The following GLI2 variants were observed in gnomAD, a reference collection of about 807,000 sequenced individuals.
GLI2 encodes GLI family zinc finger 2.
In GLI2, 22 loss-of-function variants were observed where a neutral mutation model predicts 78.9. The observed-to-expected ratio is 0.28, with a 90% confidence interval of 0.20 to 0.40. GLI2 has a LOEUF of 0.40. Among genes scored for constraint, GLI2 ranks in the 10% least tolerant of loss-of-function variants. The pLI is 1.00. For missense variants in GLI2, 2,097 were observed against 2,213.2 expected (o/e 0.95, Z 1.05); for synonymous variants, 974 against 963.7 (o/e 1.01, Z -0.20).
At chr2:120,820,131 G>A (rs547029495) in intron 2 of GLI2, among the ~76,000 whole-genome samples, 18 of 152,268 alleles carry the variant, frequency 1.2e-4, no homozygotes, top group African/African-American at 4.1e-4. Flanking sequence ...GGCAAGTGAA[G>A]GAAAGGTCCA....
At chr2:120,982,039 G>C (rs1682738595) in intron 10 of GLI2, among the ~76,000 whole-genome samples, 1 of 152,202 alleles carries the variant, frequency 6.6e-6, no homozygotes, top group Non-Finnish European at 1.5e-5. Flanking sequence ...TGTTGTGATT[G>C]AGAATATCAG....
chr2:120,947,345 G>A (rs1265503782), intron 3 of GLI2, among the ~76,000 whole-genome samples: 1 of 152,228 alleles, frequency 6.6e-6, no homozygotes, highest in South Asian at 2.1e-4. Flanking sequence ...TGGGCATAAA[G>A]TGCCTGTGTT....
chr2:120,929,789 G>A (rs1341573243), intron 3 of GLI2, among the ~76,000 whole-genome samples: 1 of 152,186 alleles, frequency 6.6e-6, no homozygotes, highest in Non-Finnish European at 1.5e-5. Context: ...GGTGGGTGTT[G>A]GAGTCATTTC....
At chr2:120,941,793 G>A (rs1680459553) in intron 3 of GLI2, among the ~76,000 whole-genome samples, 2 of 152,242 alleles carry the variant, frequency 1.3e-5, no homozygotes, top group South Asian at 4.1e-4. Context: ...CCCAAAGGCA[G>A]GGCTGGTGTA....
At chr2:120,959,405 C>CGAA (rs771290330) in intron 5 of GLI2, among the ~76,000 whole-genome samples, 1 of 152,202 alleles carries the variant, frequency 6.6e-6, no homozygotes, top group African/African-American at 2.4e-5. Flanking sequence ...CAGATGCCTT[C>CGAA]TTTCCCTTTG....
At chr2:120,758,905 A>G (rs1019650917) in intron 1 of GLI2, among the ~76,000 whole-genome samples, 1 of 152,108 alleles carries the variant, frequency 6.6e-6, no homozygotes, top group African/African-American at 2.4e-5. Flanking sequence ...ATACAGCCTG[A>G]TCAAGGCTGA....
At chr2:120,973,025 G>C (rs2105029363) in intron 8 of GLI2, among the ~76,000 whole-genome samples, 1 of 152,256 alleles carries the variant, frequency 6.6e-6, no homozygotes, top group Admixed American at 6.5e-5. Context: ...GCCGCATCTT[G>C]GACACCAAGG....
chr2:120,960,225 A>C (rs1325262650), intron 5 of GLI2, among the ~76,000 whole-genome samples: 2 of 152,154 alleles, frequency 1.3e-5, no homozygotes, highest in Non-Finnish European at 2.9e-5. Context: ...CGGGACCAAG[A>C]ATGCCTGTCC....
intron 1 of GLI2, among the ~76,000 whole-genome samples, chr2:120,767,649 G>A (rs916814363): frequency 1.3e-5 from 2 of 152,202 alleles, no homozygotes; most frequent in Non-Finnish European, 2.9e-5. Context: ...TGTGCCCCCC[G>A]CTCTGAGAGG....
At chr2:120,762,875 T>TGAG (rs1249021664) in intron 1 of GLI2, among the ~76,000 whole-genome samples, 1 of 152,208 alleles carries the variant, frequency 6.6e-6, no homozygotes, top group Non-Finnish European at 1.5e-5. Context: ...AGTGGAGTCC[T>TGAG]GAGCTGAGTG....
intron 2 of GLI2, among the ~76,000 whole-genome samples, chr2:120,804,256 A>G (rs1276243269): frequency 6.6e-6 from 1 of 152,038 alleles, no homozygotes; most frequent in East Asian, 1.9e-4. Flanking sequence ...ATTGGTACGT[A>G]CCTCCAAGTC....
rs1461679410 is a variant in GLI2 at position 120,888,757 on chromosome 2, A to G, written c.149-38604A>G. Among the ~76,000 whole-genome samples the G allele has an allele frequency of 2.6e-5, 4 of 152,180 alleles. 1 individual carries two copies. The South Asian group carries it at 8.3e-4, about 32-fold the overall frequency. On this transcript the variant is annotated intron_variant, in intron 2 of 13. Coordinates refer to ENST00000361492, the MANE Select transcript of GLI2 (RefSeq NM_001374353.1). ...CCAGGTTTCCTCTGTTGGGCCTTCT[A>G]TTCAGGGTCGCTGCTTGCATGTTCC...
Position 120,955,294 on chromosome 2 carries a change from A to T in GLI2, c.507A>T (p.Pro169=), listed in dbSNP as rs1362060382. 3.1e-6 allele frequency: 5 copies of T among 1,611,632 alleles called. No homozygotes were observed. The South Asian group carries it at 5.5e-5, about 18-fold the overall frequency. The change falls in exon 5 of 14, where the codon CCA becomes CCT. Residue 169 remains proline (P), a synonymous_variant. Coordinates refer to ENST00000361492, the MANE Select transcript of GLI2 (RefSeq NM_001374353.1). ...GGGGACTGTTTGGCCTTCCTGCTCCAGGCACCACCCCCTCAGACTATTACC... is the reference window on the plus strand; with the variant it reads ...GGGGACTGTTTGGCCTTCCTGCTCCTGGCACCACCCCCTCAGACTATTACC... ...KERGLFGLPA[P]GTTPSDYYHQ...
intron 2 of GLI2, among the ~76,000 whole-genome samples, chr2:120,910,657 C>T (rs960997034): frequency 3.9e-5 from 6 of 152,188 alleles, no homozygotes; most frequent in Admixed American, 1.3e-4. Context: ...CGCCAAGCCA[C>T]GGGCAGAAGA....
At chr2:120,855,950 C>A (rs575916375) in intron 2 of GLI2, among the ~76,000 whole-genome samples, 1 of 152,306 alleles carries the variant, frequency 6.6e-6, no homozygotes, top group African/African-American at 2.4e-5. Context: ...ATTTAAAACA[C>A]CAGCAGGCAC....
chr2:120,822,752 GT>G (rs1294539861), intron 2 of GLI2, among the ~76,000 whole-genome samples: 1 of 152,046 alleles, frequency 6.6e-6, no homozygotes, highest in African/African-American at 2.4e-5. Flanking sequence ...AATTAAGGAC[GT>G]TAAAATACAA....
intron 1 of GLI2, among the ~76,000 whole-genome samples, chr2:120,785,900 G>A (rs917795064): frequency 2.6e-5 from 4 of 152,222 alleles, no homozygotes; most frequent in African/African-American, 7.2e-5. Context: ...CCAGGTAAGG[G>A]GCCCAGTGAC....
At chr2:120,875,210 G>A (rs1007093759) in intron 2 of GLI2, among the ~76,000 whole-genome samples, 2 of 152,272 alleles carry the variant, frequency 1.3e-5, no homozygotes, top group African/African-American at 4.8e-5. Flanking sequence ...ATGCATGTCA[G>A]CACTCAGTGT....
chr2:120,913,395 G>C (rs529852151), intron 2 of GLI2, among the ~76,000 whole-genome samples: 216 of 152,188 alleles, frequency 1.4e-3, no homozygotes, highest in Non-Finnish European at 2.7e-3. Flanking sequence ...ATGTTGAAGT[G>C]ATAGTATTTT....
Sources: allele counts gnomAD v4.1 joint callset (sites outside exome capture counted in the v4.1 genomes callset), GRCh38; gene constraint gnomAD v4.1.1; transcripts MANE v1.5; gene names NCBI Gene and HGNC (gene_info 2026-07-23, HGNC 2026-07-21).